SMYD3: variants seen among roughly 807,000 people sequenced by gnomAD.
The protein encoded by SMYD3 is histone-lysine N-methyltransferase SMYD3.
A neutral mutation model predicts 57.7 loss-of-function variants in SMYD3; 36 were observed. The ratio of observed to expected loss-of-function variants is 0.62; its 90% CI spans 0.48 to 0.82. The LOEUF is 0.82. Ranked by LOEUF, SMYD3 falls within the 40% of genes least tolerant of loss-of-function variation. The probability of loss-of-function intolerance (pLI) is 0.00; values close to 1 mark genes in which losing one functional copy is unlikely to be tolerated. For synonymous variants in SMYD3, 211 were observed against 195.0 expected, an observed-to-expected ratio of 1.08 and a Z score of -0.68; for missense variants, 515 against 538.8, an observed-to-expected ratio of 0.96 and a Z score of 0.44.
Position 245,929,834 on chromosome 1 carries a change from T to C in SMYD3, c.599+36A>G, listed in dbSNP as rs746728212. 5.2e-6 allele frequency: 8 copies of C among 1,538,394 alleles called. No homozygotes were observed. The Admixed American group carries it at 6.7e-5, about 13-fold the overall frequency. ...CTGGGGATTTGGGTGGGAATGAAAG[T>C]GTGTCTTCCAGTACATGAAGTACCA... On this transcript the variant is annotated intron_variant, in intron 6 of 11. Transcript: ENST00000490107.
At chr1:246,314,031 A>G (rs1426754689) in intron 5 of SMYD3, among the ~76,000 whole-genome samples, 2 of 152,220 alleles carry the variant, frequency 1.3e-5, no homozygotes, top group Non-Finnish European at 2.9e-5. Flanking sequence ...ATTTTCACAT[A>G]CAGTTGTGGC....
At chr1:245,763,959 T>C in intron 11 of SMYD3, 82 bp downstream of exon 11, 1 of 1,028,622 alleles carries the variant, frequency 9.7e-7, no homozygotes, top group South Asian at 1.3e-5. Flanking sequence ...TACATAGAGC[T>C]GCTAACAAAT....
Position 246,395,048 on chromosome 1 carries a change from C to A in SMYD3, c.165-39954G>T, listed in dbSNP as rs911440156. On this transcript the variant is annotated intron_variant, in intron 1 of 11. Transcript: ENST00000490107. ...AGAGAGGCTCCTGAACTCAGCTACA[C>A]TTTATGATATAAGAGAGGCTCCTGA... Among the ~76,000 whole-genome samples the A allele has an allele frequency of 7.2e-5, 11 of 152,194 alleles. No individual in the cohort carries two copies. In the South Asian group the frequency reaches 1.9e-3, roughly 26 times the overall value.
At chr1:245,836,182 C>T (rs2050097219) in intron 10 of SMYD3, among the ~76,000 whole-genome samples, 1 of 152,170 alleles carries the variant, frequency 6.6e-6, no homozygotes. Context: ...ATGAGAGTTT[C>T]AGCTGGATAT....
intron 1 of SMYD3, among the ~76,000 whole-genome samples, chr1:246,366,253 G>T (rs977491980): frequency 2.0e-5 from 3 of 152,170 alleles, no homozygotes; most frequent in African/African-American, 7.2e-5. Flanking sequence ...TGTCATTTAA[G>T]GTGTGATGGC....
In SMYD3 at chr1:246,032,061, AC is replaced by A. The variant is rs375328839; in HGVS notation, c.532-102125del. On this transcript the variant is annotated intron_variant, in intron 5 of 11. Coordinates refer to ENST00000490107, the MANE Select transcript of SMYD3 (RefSeq NM_001167740.2). Reference sequence around the variant, plus strand: ...TAATTTTCTCAAACTGCTTAATAAAACCTTCTCCTTTTTATCAGAAAAAAAG... The same window carrying A: ...TAATTTTCTCAAACTGCTTAATAAAACTTCTCCTTTTTATCAGAAAAAAAG... 1.7e-3 allele frequency among the ~76,000 whole-genome samples: 254 copies of A among 152,224 alleles called. 2 individuals carry two copies. Among genetic ancestry groups the A allele is most frequent in the African/African-American group, 5.7e-3 (236 of 41,544 alleles).
chr1:246,500,719 G>C (rs1198187762), intron 1 of SMYD3, among the ~76,000 whole-genome samples: 2 of 152,152 alleles, frequency 1.3e-5, no homozygotes, highest in Admixed American at 6.5e-5. Flanking sequence ...TGGTTGCTCT[G>C]TTCTTGAGCC....
chr1:246,192,914 AAAAG>A, intron 5 of SMYD3, among the ~76,000 whole-genome samples: 1 of 152,296 alleles, frequency 6.6e-6, no homozygotes, highest in South Asian at 2.1e-4. Context: ...TCAAAAAAAA[AAAAG>A]AAATGTAGTT....
intron 8 of SMYD3, among the ~76,000 whole-genome samples, chr1:245,872,187 C>G (rs1242438906): frequency 6.6e-6 from 1 of 152,240 alleles, no homozygotes; most frequent in African/African-American, 2.4e-5. Context: ...CATCAGCCCA[C>G]AGGTGAAGTA....
At chr1:245,884,135 TTC>T in intron 8 of SMYD3, among the ~76,000 whole-genome samples, 1 of 152,290 alleles carries the variant, frequency 6.6e-6, no homozygotes, top group East Asian at 1.9e-4. Flanking sequence ...CCACCATATC[TTC>T]TTAAAAAAGC....
At chr1:245,839,233 T>A (rs554675097) in intron 10 of SMYD3, among the ~76,000 whole-genome samples, 6 of 152,158 alleles carry the variant, frequency 3.9e-5, no homozygotes, top group African/African-American at 1.4e-4. Context: ...GCAGTGGTGC[T>A]ATCTCAGCTC....
chr1:246,294,005 A>G (rs968733244), intron 5 of SMYD3, among the ~76,000 whole-genome samples: 9 of 151,968 alleles, frequency 5.9e-5, no homozygotes, highest in African/African-American at 2.2e-4. Flanking sequence ...GGTTTCTATG[A>G]TATCTTTCTC....
intron 10 of SMYD3, among the ~76,000 whole-genome samples, chr1:245,797,127 A>G (rs980576527): frequency 6.6e-6 from 1 of 152,220 alleles, no homozygotes; most frequent in African/African-American, 2.4e-5. Flanking sequence ...GAGATACAGA[A>G]TATGAGGGGA....
At chr1:246,036,220 A>G (rs2059769786) in intron 5 of SMYD3, among the ~76,000 whole-genome samples, 1 of 152,198 alleles carries the variant, frequency 6.6e-6, no homozygotes, top group African/African-American at 2.4e-5. Context: ...TTCAGATCTT[A>G]TCTGATAATT....
At chr1:246,261,184 A>G (rs10924650) in intron 5 of SMYD3, among the ~76,000 whole-genome samples, 31,460 of 151,728 alleles carry the variant, frequency 0.21, 3,981 homozygotes, top group East Asian at 0.58. Context: ...TCAGCCTCCC[A>G]AGTAGCTGGG....
At chr1:246,289,259 C>T (rs2064637912) in intron 5 of SMYD3, among the ~76,000 whole-genome samples, 1 of 152,096 alleles carries the variant, frequency 6.6e-6, no homozygotes. Flanking sequence ...TATTTAATTC[C>T]CTAGAAGAAT....
chr1:246,299,680 T>C (rs961971903), intron 5 of SMYD3, among the ~76,000 whole-genome samples: 1 of 152,114 alleles, frequency 6.6e-6, no homozygotes, highest in African/African-American at 2.4e-5. Context: ...ATGGTATCCT[T>C]TGCAAGAACA....
chr1:245,903,564 G>A (rs990603286), intron 8 of SMYD3, among the ~76,000 whole-genome samples: 6 of 152,106 alleles, frequency 3.9e-5, no homozygotes, highest in African/African-American at 1.4e-4. Flanking sequence ...ACTTCCTATT[G>A]CGAAAAGGGG....
At chr1:246,018,067 G>T (rs1375143309) in intron 5 of SMYD3, among the ~76,000 whole-genome samples, 1 of 152,060 alleles carries the variant, frequency 6.6e-6, no homozygotes, top group African/African-American at 2.4e-5. Flanking sequence ...GTATTTAGAA[G>T]CCAAAGTCCC....
Sources: allele counts gnomAD v4.1 joint callset (sites outside exome capture counted in the v4.1 genomes callset), GRCh38; gene constraint gnomAD v4.1.1; transcripts MANE v1.5; gene names NCBI Gene and HGNC (gene_info 2026-07-23, HGNC 2026-07-21).